CRYBA4: variants seen among roughly 807,000 people sequenced by gnomAD.
CRYBA4 encodes the protein beta-crystallin A4.
A neutral mutation model predicts 31.7 loss-of-function variants in CRYBA4; 30 were observed. The observed-to-expected ratio is 0.95, with a 90% CI of 0.71 to 1.28. CRYBA4 has a LOEUF of 1.28. Ranked by LOEUF, CRYBA4 falls within the 50% of genes most tolerant of loss-of-function variation. The probability of loss-of-function intolerance (pLI) is 0.00; values close to 1 mark genes in which losing one functional copy is unlikely to be tolerated. For missense variants in CRYBA4, 225 were observed against 260.7 expected (o/e 0.86, Z 0.94); for synonymous variants, 102 against 102.3 (o/e 1.00, Z 0.02).
the CRYBA4 span, among the ~76,000 whole-genome samples, chr22:26,602,533 G>A: frequency 6.6e-6 from 1 of 151,684 alleles, no homozygotes; most frequent in Non-Finnish European, 1.5e-5. Flanking sequence ...TGAGGCTGCA[G>A]CGAGATATGA....
At chr22:26,598,448 C>G in the CRYBA4 span, among the ~76,000 whole-genome samples, 1 of 152,120 alleles carries the variant, frequency 6.6e-6, no homozygotes, top group African/African-American at 2.4e-5. Context: ...ATGATCACGA[C>G]TCACTGTAGC....
At chr22:26,591,176 G>T in the CRYBA4 span, among the ~76,000 whole-genome samples, 1 of 152,102 alleles carries the variant, frequency 6.6e-6, no homozygotes. Flanking sequence ...TTCAAGACCA[G>T]CCTGGCCAAA....
the CRYBA4 span, among the ~76,000 whole-genome samples, chr22:26,614,514 A>T: frequency 1.2e-4 from 19 of 152,324 alleles, no homozygotes; most frequent in African/African-American, 3.6e-4. Flanking sequence ...GAGCAAAGCT[A>T]GCAACCACTG....
At chr22:26,614,029 G>A in the CRYBA4 span, among the ~76,000 whole-genome samples, 1 of 152,176 alleles carries the variant, frequency 6.6e-6, no homozygotes, top group Admixed American at 6.5e-5. Flanking sequence ...TTATTAGGAA[G>A]AGGAAATTCC....
chr22:26,590,946 G>A, the CRYBA4 span, among the ~76,000 whole-genome samples: 1 of 152,204 alleles, frequency 6.6e-6, no homozygotes, highest in South Asian at 2.1e-4. Context: ...AGCTATCTAT[G>A]CATCGTATGC....
At position 26,627,408 on chromosome 22, in the gene CRYBA4, CTTTCTTTCT is replaced by C. The variant is rs1569211714; in HGVS notation, c.301-877_301-869del. On this transcript the variant is annotated intron_variant, in intron 4 of 5. Transcript: ENST00000354760. ...TCTTTCTTTCTTTCTTTCTTTCTTT[CTTTCTTTCT>C]TTCTTTCTTTTTCTTTCTTTCTTTC... Among the ~76,000 whole-genome samples the C allele has an allele frequency of 4.8e-4, 38 of 79,280 alleles. 2 individuals are homozygous for C. The highest frequency in any genetic ancestry group is 1.5e-3 in the African/African-American group (20 of 12,922). 52.0% of individuals were successfully genotyped at this position (79,280 alleles called of 152,430 possible).
the CRYBA4 span, among the ~76,000 whole-genome samples, chr22:26,600,862 C>G: frequency 6.6e-6 from 1 of 152,230 alleles, no homozygotes; most frequent in Admixed American, 6.5e-5. Context: ...AACCTCTCCT[C>G]CTCTGACCTC....
At chr22:26,608,885 G>A in the CRYBA4 span, among the ~76,000 whole-genome samples, 1 of 151,988 alleles carries the variant, frequency 6.6e-6, no homozygotes, top group South Asian at 2.1e-4. Flanking sequence ...TTATGAAGAT[G>A]CTAGGTTCCT....
the CRYBA4 span, among the ~76,000 whole-genome samples, chr22:26,613,787 C>G: frequency 1.3e-5 from 2 of 152,206 alleles, no homozygotes; most frequent in Non-Finnish European, 2.9e-5. Context: ...AGAGAGATAA[C>G]CTTAAACTCT....
the CRYBA4 span, among the ~76,000 whole-genome samples, chr22:26,606,414 C>T: frequency 2.0e-5 from 3 of 152,040 alleles, no homozygotes; most frequent in African/African-American, 7.2e-5. Context: ...ATGTATTTTA[C>T]ACTTATGACA....
chr22:26,620,861 C>T (rs1322660930), upstream of CRYBA4, among the ~76,000 whole-genome samples: 5 of 152,122 alleles, frequency 3.3e-5, no homozygotes, highest in Admixed American at 2.6e-4. Context: ...TTGCGCCCAG[C>T]CTAAAGTCAT....
At chr22:26,604,944 C>T in the CRYBA4 span, among the ~76,000 whole-genome samples, 1 of 152,150 alleles carries the variant, frequency 6.6e-6, no homozygotes, top group Non-Finnish European at 1.5e-5. Flanking sequence ...TCTCCACCAC[C>T]ACCTCCCCTC....
chr22:26,603,058 G>C, the CRYBA4 span, among the ~76,000 whole-genome samples: 1 of 148,804 alleles, frequency 6.7e-6, no homozygotes, highest in African/African-American at 2.5e-5. Context: ...CCAGGAGGCA[G>C]AGCTTGCAGT....
intron 4 of CRYBA4, among the ~76,000 whole-genome samples, chr22:26,627,416 CTTTCTTTCTTTT>C (rs1569211757): frequency 3.8e-5 from 3 of 78,312 alleles, no homozygotes; most frequent in Non-Finnish European, 6.4e-5. Context: ...TTCTTTCTTT[CTTTCTTTCTTTT>C]TCTTTCTTTC....
chr22:26,622,448 C>A, intron 1 of CRYBA4, 137 bp from the exon 2 acceptor site: 1 of 746,876 alleles, frequency 1.3e-6, no homozygotes, highest in Non-Finnish European at 2.4e-6. Flanking sequence ...AGGGACAGGC[C>A]AAAGCCATGC....
the CRYBA4 span, among the ~76,000 whole-genome samples, chr22:26,605,326 A>C: frequency 6.6e-6 from 1 of 152,176 alleles, no homozygotes; most frequent in South Asian, 2.1e-4. Flanking sequence ...ACAGGGACCT[A>C]GTCTGTTTGA....
At chr22:26,603,138 A>AAC in the CRYBA4 span, among the ~76,000 whole-genome samples, 130 of 148,822 alleles carry the variant, frequency 8.7e-4, no homozygotes, top group Middle Eastern at 7.0e-3. Context: ...AAAAAAAAAA[A>AAC]AAAAAACAAA....
At chr22:26,611,463 T>G in the CRYBA4 span, among the ~76,000 whole-genome samples, 31 of 136,506 alleles carry the variant, frequency 2.3e-4, no homozygotes, top group African/African-American at 4.0e-4. Flanking sequence ...TGTTTTTTTT[T>G]TTTTTGTTTT....
intron 4 of CRYBA4, among the ~76,000 whole-genome samples, chr22:26,626,183 C>G (rs1929699388): frequency 1.3e-5 from 2 of 152,166 alleles, no homozygotes; most frequent in African/African-American, 4.8e-5. Context: ...GGGTAGATCA[C>G]TTGAGGCCAG....
Sources: allele counts gnomAD v4.1 joint callset (sites outside exome capture counted in the v4.1 genomes callset), GRCh38; gene constraint gnomAD v4.1.1; transcripts MANE v1.5; gene names NCBI Gene and HGNC (gene_info 2026-07-23, HGNC 2026-07-21).